The following SHB variants were observed in gnomAD, a reference collection of about 807,000 sequenced individuals.
SHB encodes the protein SH2 domain containing adaptor protein B.
Under a neutral mutation model 52.3 loss-of-function variants are expected in SHB, and 20 were observed. That is an observed-to-expected ratio of 0.38 (90% CI 0.27 to 0.56). The LOEUF (loss-of-function observed/expected upper bound fraction) is 0.56, where lower values mean the gene tolerates loss of function less well. Ranked by LOEUF, SHB falls within the 20% of genes least tolerant of loss-of-function variation. The pLI is 0.71. For synonymous variants in SHB, 397 were observed against 316.5 expected (o/e 1.25, Z -2.70); for missense variants, 825 against 723.3 (o/e 1.14, Z -1.61).
At chr9:37,968,972 G>A (rs546185964) in intron 3 of SHB, among the ~76,000 whole-genome samples, 1 of 152,118 alleles carries the variant, frequency 6.6e-6, no homozygotes, top group Non-Finnish European at 1.5e-5. Flanking sequence ...ATGGGATGGC[G>A]CTGGTCCCCC....
At chr9:37,963,817 T>G (rs917537821) in intron 3 of SHB, among the ~76,000 whole-genome samples, 3 of 152,206 alleles carry the variant, frequency 2.0e-5, no homozygotes, top group African/African-American at 7.2e-5. Flanking sequence ...CTAACATCTG[T>G]AGATGACTGA....
intron 2 of SHB, among the ~76,000 whole-genome samples, chr9:37,991,123 T>C (rs374289185): frequency 2.0e-4 from 31 of 152,344 alleles, no homozygotes; most frequent in African/African-American, 6.3e-4. Flanking sequence ...GACTCTCCTG[T>C]TTGATATTAT....
intron 1 of SHB, among the ~76,000 whole-genome samples, chr9:38,049,064 A>T (rs1821699917): frequency 6.6e-6 from 1 of 152,218 alleles, no homozygotes; most frequent in African/African-American, 2.4e-5. Flanking sequence ...TCTGTCACCT[A>T]GACTGGAGTG....
At position 37,955,403 on chromosome 9, in the gene SHB, G is replaced by A. The variant is rs913579879; in HGVS notation, c.1226+480C>T. ...CTCAACCTTCCAAGAGCCTTAACCT[G>A]CCCATGTATACACAGAGGGGGAGGT... On this transcript the variant is annotated intron_variant, in intron 4 of 5. Transcript: ENST00000377707. 2.6e-5 allele frequency among the ~76,000 whole-genome samples: 4 copies of A among 152,136 alleles called. No homozygotes were observed. In the South Asian group the frequency reaches 8.3e-4, roughly 32 times the overall value.
At position 37,958,176 on chromosome 9, in the gene SHB, G is replaced by A. The variant is rs146082688; in HGVS notation, c.1055-2122C>T. ...TCTAGAAAGTATAGCTGGCTAATTA[G>A]AGGGACAGAGAGCATGTGTACACGG... On this transcript the variant is annotated intron_variant, in intron 3 of 5. Transcript: ENST00000377707. Among the ~76,000 whole-genome samples, 53 of 152,328 alleles carry A rather than the reference G, an allele frequency of 3.5e-4. No homozygotes were observed. In the South Asian group the frequency reaches 4.8e-3, roughly 14 times the overall value.
intron 2 of SHB, among the ~76,000 whole-genome samples, chr9:37,999,656 C>T (rs1161214404): frequency 6.6e-6 from 1 of 152,168 alleles, no homozygotes; most frequent in African/African-American, 2.4e-5. Flanking sequence ...GCAGCCGAGG[C>T]AGCAGCCCAA....
chr9:38,057,088 G>A (rs1280041410), intron 1 of SHB, among the ~76,000 whole-genome samples: 1 of 152,088 alleles, frequency 6.6e-6, no homozygotes, highest in Non-Finnish European at 1.5e-5. Context: ...TCAACCCCAA[G>A]GAAATAATCA....
chr9:37,935,770 C>A (rs79793817), intron 5 of SHB, among the ~76,000 whole-genome samples: 2 of 152,012 alleles, frequency 1.3e-5, no homozygotes, highest in Middle Eastern at 3.2e-3. Context: ...TTCTTAGCCA[C>A]GATACTCTAT....
chr9:38,035,651 A>C (rs1821477328), intron 1 of SHB, among the ~76,000 whole-genome samples: 3 of 152,224 alleles, frequency 2.0e-5, no homozygotes, highest in Admixed American at 6.5e-5. Flanking sequence ...GACAAAGCTC[A>C]GTCAGTGTCT....
At chr9:38,017,511 C>T (rs189365991) in intron 1 of SHB, among the ~76,000 whole-genome samples, 17 of 152,312 alleles carry the variant, frequency 1.1e-4, no homozygotes, top group African/African-American at 3.8e-4. Flanking sequence ...AATGTGATGC[C>T]CGGAAAGGGA....
At chr9:38,007,591 G>A (rs1285998467) in intron 2 of SHB, among the ~76,000 whole-genome samples, 1 of 152,174 alleles carries the variant, frequency 6.6e-6, no homozygotes, top group Admixed American at 6.5e-5. Flanking sequence ...CTCCTGAGGG[G>A]CACCCAGGAC....
chr9:38,066,142 A>G (rs1301648958), intron 1 of SHB, among the ~76,000 whole-genome samples: 1 of 152,258 alleles, frequency 6.6e-6, no homozygotes, highest in Non-Finnish European at 1.5e-5. Context: ...TGATGAAAAG[A>G]GTCAAGTCTT....
intron 5 of SHB, among the ~76,000 whole-genome samples, chr9:37,940,022 C>A (rs1463406170): frequency 6.6e-6 from 1 of 152,210 alleles, no homozygotes; most frequent in African/African-American, 2.4e-5. Context: ...AGAACTCAAA[C>A]TAGGGTCTGT....
rs1178705313 is a variant in SHB, at chr9:37,919,460, G to C, written c.*361C>G. On this transcript the variant is annotated 3_prime_UTR_variant, in exon 6 of 6. Transcript: ENST00000377707. Reference sequence around the variant, plus strand: ...GAGGTGTGAATTTGAGACAGCTGGAGAACAAAGAGATGTCAGCCAGGGAGC... The same window carrying C: ...GAGGTGTGAATTTGAGACAGCTGGACAACAAAGAGATGTCAGCCAGGGAGC... 1 of 199,994 alleles carries C rather than the reference G, an allele frequency of 5.0e-6. No homozygotes were observed. Among genetic ancestry groups the C allele is most frequent in the Non-Finnish European group, 1.0e-5 (1 of 97,456 alleles). The allele number at this position is 199,994 out of a possible 1,614,324, so 12.4% of individuals were successfully genotyped here. A position where few individuals can be genotyped will look rare whatever the true frequency, so the allele number is the denominator to read the frequency against.
At chr9:37,974,246 A>ATTTC (rs1820625974) in intron 3 of SHB, among the ~76,000 whole-genome samples, 2 of 152,138 alleles carry the variant, frequency 1.3e-5, no homozygotes, top group African/African-American at 2.4e-5. Context: ...ACAAGAGCGA[A>ATTTC]ACTCTGTCTC....
intron 2 of SHB, among the ~76,000 whole-genome samples, chr9:38,002,487 C>A (rs1306212196): frequency 1.3e-5 from 2 of 152,168 alleles, no homozygotes; most frequent in African/African-American, 4.8e-5. Flanking sequence ...TGAAAGAGCA[C>A]TACCGAACCA....
At position 38,062,360 on chromosome 9, in the gene SHB, G is replaced by T. The variant is rs1005680478; in HGVS notation, c.717+5569C>A. On this transcript the variant is annotated intron_variant, in intron 1 of 5. Transcript: ENST00000377707. ...CATCGAAGGCCCTAATTAATGGCTT[G>T]CCTGTATCCCTGCCCTTTGCCATGG... Among the ~76,000 whole-genome samples, 73 of 152,258 alleles carry T rather than the reference G, an allele frequency of 4.8e-4. 1 individual carries two copies. The South Asian group carries it at 0.014, about 29-fold the overall frequency.
Position 38,068,064 on chromosome 9 carries a change from A to G in SHB, c.582T>C (p.Gly194=). ...RLIKVESAAG[G]GAGDPLGGAC... is the part of the protein sequence containing the mutation. ...CGCCCCCCAGGGGGTCCCCGGCCCC[A>G]CCGCCCGCGGCGCTCTCCACTTTGA... is the stretch of plus-strand genomic sequence containing the variant. Residue 194 remains glycine, a synonymous_variant, in exon 1 of 6, where the codon GGT becomes GGC. Coordinates refer to ENST00000377707, the MANE Select transcript of SHB (RefSeq NM_003028.3). 1.3e-6 allele frequency: 2 copies of G among 1,491,010 alleles called. No homozygotes were observed. Among genetic ancestry groups the G allele is most frequent in the South Asian group, 1.3e-5 (1 of 76,776 alleles). The allele number at this position is 1,491,010 out of a possible 1,614,324, so 92.4% of individuals were successfully genotyped here.
intron 1 of SHB, among the ~76,000 whole-genome samples, chr9:38,016,967 A>C (rs931056206): frequency 2.6e-5 from 4 of 152,188 alleles, no homozygotes; most frequent in Non-Finnish European, 5.9e-5. Flanking sequence ...GGTGGGGGGC[A>C]CTCCCATGAG....
Sources: allele counts gnomAD v4.1 joint callset (sites outside exome capture counted in the v4.1 genomes callset), GRCh38; gene constraint gnomAD v4.1.1; transcripts MANE v1.5; gene names NCBI Gene and HGNC (gene_info 2026-07-23, HGNC 2026-07-21).